CDYL: variants seen among roughly 807,000 people sequenced by gnomAD.
The protein encoded by CDYL is chromodomain Y-like protein.
In CDYL, 8 loss-of-function variants were observed where a neutral mutation model predicts 47.3. The observed-to-expected ratio is 0.17, with a 90% confidence interval of 0.10 to 0.31. CDYL has a LOEUF of 0.31. Among genes scored for constraint, CDYL ranks in the 10% least tolerant of loss-of-function variants. The pLI is 1.00. For missense variants in CDYL, 471 were observed against 701.4 expected (o/e 0.67, Z 3.71); for synonymous variants, 266 against 265.0 (o/e 1.00, Z -0.04).
upstream of CDYL, among the ~76,000 whole-genome samples, chr6:4,773,339 G>A (rs1209028409): frequency 6.6e-6 from 1 of 152,138 alleles, no homozygotes; most frequent in Non-Finnish European, 1.5e-5. This position sits in a 1 kb window ranked among gnomAD's most constrained non-coding sequence, Gnocchi z 4.6. Flanking sequence ...GTGCTTAGGG[G>A]ATGTGATTTC....
intron 2 of CDYL, among the ~76,000 whole-genome samples, chr6:4,914,727 A>G (rs1013662912): frequency 2.0e-4 from 30 of 152,234 alleles, no homozygotes; most frequent in African/African-American, 7.2e-4. Flanking sequence ...CAGGGTTTGC[A>G]GAATGGGTTT....
At chr6:4,810,661 G>T (rs1329782237) in intron 1 of CDYL, among the ~76,000 whole-genome samples, 1 of 152,168 alleles carries the variant, frequency 6.6e-6, no homozygotes, top group Non-Finnish European at 1.5e-5. Context: ...TAACATAAAT[G>T]TATGCTCATA....
intron 5 of CDYL, among the ~76,000 whole-genome samples, chr6:4,951,265 G>A (rs768283449): frequency 2.6e-5 from 4 of 152,158 alleles, no homozygotes; most frequent in African/African-American, 4.8e-5. Flanking sequence ...CATCAGAGTT[G>A]TTAGGAAGGT....
chr6:4,809,199 A>G (rs955219865), intron 1 of CDYL, among the ~76,000 whole-genome samples: 4 of 152,168 alleles, frequency 2.6e-5, no homozygotes, highest in African/African-American at 9.7e-5. Flanking sequence ...ATGGTATAAG[A>G]TACTCTTCTG....
intron 1 of CDYL, among the ~76,000 whole-genome samples, chr6:4,886,295 C>G (rs1022275006): frequency 6.6e-6 from 1 of 152,114 alleles, no homozygotes; most frequent in South Asian, 2.1e-4. Context: ...TAACTCTATT[C>G]GAGGAACAAC....
At chr6:4,821,922 C>A (rs57484544) in intron 1 of CDYL, among the ~76,000 whole-genome samples, 3,421 of 152,022 alleles carry the variant, frequency 0.023, 135 homozygotes, top group African/African-American at 0.078. Context: ...GTTGCAATAA[C>A]GTATGTACCA....
chr6:4,837,297 C>G (rs1033116011), intron 1 of CDYL, among the ~76,000 whole-genome samples: 1 of 152,144 alleles, frequency 6.6e-6, no homozygotes, highest in Non-Finnish European at 1.5e-5. Context: ...AATTGTTATA[C>G]AATCTTTTGG....
intron 2 of CDYL, among the ~76,000 whole-genome samples, chr6:4,895,023 G>C (rs867241084): frequency 6.6e-6 from 1 of 151,316 alleles, no homozygotes; most frequent in Admixed American, 6.6e-5. Context: ...ATATATGTAT[G>C]TATGTGTATA....
chr6:4,719,437 C>T (rs187047806), intron 2 of CDYL, among the ~76,000 whole-genome samples: 112 of 152,228 alleles, frequency 7.4e-4, no homozygotes, highest in African/African-American at 2.5e-3. Flanking sequence ...CTAAGTACTT[C>T]CCACTCATCA....
chr6:4,835,507 G>C (rs137971167), intron 1 of CDYL, among the ~76,000 whole-genome samples: 1,573 of 152,328 alleles, frequency 0.01, 14 homozygotes, highest in Middle Eastern at 0.017. Context: ...CAGTTAGGCT[G>C]CTCAGGGGTC....
At chr6:4,719,840 C>A (rs1467574926) in intron 2 of CDYL, among the ~76,000 whole-genome samples, 2 of 152,136 alleles carry the variant, frequency 1.3e-5, no homozygotes, top group Admixed American at 6.6e-5. Context: ...GCCACTTTCC[C>A]CAAAATACCT....
At position 4,776,707 on chromosome 6, in the gene CDYL, T is replaced by C; in HGVS notation, c.-77T>C. 3 of 1,252,814 alleles carry C rather than the reference T, an allele frequency of 2.4e-6. No individual in the cohort carries two copies. Among genetic ancestry groups the C allele is most frequent in the African/African-American group, 1.7e-5 (1 of 60,160 alleles). The allele number at this position is 1,252,814 out of a possible 1,614,324, so 77.6% of individuals were successfully genotyped here. ...AAGCGCAGGCCACGCAGGACCCAAC[T>C]GAAACAAAGTGTCGGCCGCCCGGCG... On this transcript the variant is annotated 5_prime_UTR_variant, in exon 1 of 7. Transcript: ENST00000397588.
At position 4,918,844 on chromosome 6, in the gene CDYL, C is replaced by CT. The variant is rs1172651468; in HGVS notation, c.692-16668dup. 2.6e-5 allele frequency among the ~76,000 whole-genome samples: 4 copies of CT among 152,292 alleles called. No homozygotes were observed. The East Asian group carries it at 7.7e-4, about 29-fold the overall frequency. On this transcript the variant is annotated intron_variant, in intron 2 of 6. Transcript: ENST00000397588. ...TCGATTTCCTTTGGGTTACTAAAGA[C>CT]TTTGCTGCTTTTCTGATTTAGGAGT...
At chr6:4,866,302 C>G (rs1761320640) in intron 1 of CDYL, among the ~76,000 whole-genome samples, 1 of 151,904 alleles carries the variant, frequency 6.6e-6, no homozygotes. Context: ...GAAAATAATT[C>G]CAAAACAAGG....
intron 1 of CDYL, among the ~76,000 whole-genome samples, chr6:4,854,095 G>A (rs1760933856): frequency 6.6e-6 from 1 of 152,198 alleles, no homozygotes; most frequent in Admixed American, 6.5e-5. Context: ...TGCACACACG[G>A]CCTCCTCCAG....
intron 4 of CDYL, among the ~76,000 whole-genome samples, chr6:4,939,026 A>G (rs1758286112): frequency 6.6e-6 from 1 of 152,206 alleles, no homozygotes; most frequent in Admixed American, 6.5e-5. Flanking sequence ...AAAATGACAT[A>G]TCCCCAGGTG....
intron 1 of CDYL, among the ~76,000 whole-genome samples, chr6:4,835,622 T>G (rs1189670067): frequency 6.6e-6 from 1 of 152,224 alleles, no homozygotes; most frequent in African/African-American, 2.4e-5. Context: ...CAGGGACATT[T>G]AAGTCTGCAG....
intron 1 of CDYL, among the ~76,000 whole-genome samples, chr6:4,845,702 A>G (rs1324645136): frequency 6.6e-6 from 1 of 152,220 alleles, no homozygotes; most frequent in Non-Finnish European, 1.5e-5. Flanking sequence ...CTATATACCA[A>G]TACAACTTTA....
intron 5 of CDYL, among the ~76,000 whole-genome samples, chr6:4,944,373 C>T (rs1049347251): frequency 3.3e-5 from 5 of 152,140 alleles, no homozygotes; most frequent in Admixed American, 1.3e-4. Flanking sequence ...GAAGCAGGAC[C>T]GCACAGAGGA....
Sources: allele counts gnomAD v4.1 joint callset (sites outside exome capture counted in the v4.1 genomes callset), GRCh38; gene constraint gnomAD v4.1.1; non-coding constraint Gnocchi (gnomAD v3.1); transcripts MANE v1.5; gene names NCBI Gene and HGNC (gene_info 2026-07-23, HGNC 2026-07-21).